GAB2: variants seen among roughly 807,000 people sequenced by gnomAD.
The protein encoded by GAB2 is GRB2 associated binding protein 2.
A neutral mutation model predicts 65.5 loss-of-function variants in GAB2; 26 were observed. The observed-to-expected ratio is 0.40, with a 90% CI of 0.29 to 0.55. GAB2 has a LOEUF of 0.55. Among genes scored for constraint, GAB2 ranks in the 20% least tolerant of loss-of-function variants. The probability of loss-of-function intolerance (pLI) is 0.53; values close to 1 mark genes in which losing one functional copy is unlikely to be tolerated. For missense variants in GAB2, 884 were observed against 875.8 expected (o/e 1.01, Z -0.12); for synonymous variants, 321 against 329.6 (o/e 0.97, Z 0.28).
chr11:78,321,503 C>T (rs1180688348), intron 1 of GAB2, among the ~76,000 whole-genome samples: 1 of 152,152 alleles, frequency 6.6e-6, no homozygotes, highest in Non-Finnish European at 1.5e-5. Flanking sequence ...GCGTGGAGTG[C>T]AGTATGTGTT....
intron 1 of GAB2, among the ~76,000 whole-genome samples, chr11:78,349,114 G>A (rs73500951): frequency 0.025 from 3,743 of 152,288 alleles, 123 homozygotes; most frequent in African/African-American, 0.078. Context: ...TGTTTCATGA[G>A]TACGGACAGA....
chr11:78,320,782 A>T (rs1486758816), intron 1 of GAB2, among the ~76,000 whole-genome samples: 1 of 131,372 alleles, frequency 7.6e-6, no homozygotes, highest in Non-Finnish European at 1.5e-5. Flanking sequence ...GCCCAGGCTG[A>T]TCTATCTCAA....
At chr11:78,401,504 T>TTGTG (rs1565185920) in intron 1 of GAB2, among the ~76,000 whole-genome samples, 2 of 93,128 alleles carry the variant, frequency 2.1e-5, no homozygotes, top group South Asian at 4.1e-4. Context: ...TGAACAGTAT[T>TTGTG]CGTGTGTGTG....
At chr11:78,274,547 T>C (rs1039903198) in intron 2 of GAB2, among the ~76,000 whole-genome samples, 1 of 152,176 alleles carries the variant, frequency 6.6e-6, no homozygotes, top group Non-Finnish European at 1.5e-5. Flanking sequence ...ACAGAAAGTA[T>C]TTTATCCCTA....
rs543801648 is a variant in GAB2, at chr11:78,271,431, CT to C, written c.376+9169del. ...CTTCTAGAACATCATTCCTGGTTTC[CT>C]TTTGGAACGAGTTCTCTCTCAAGAG... On this transcript the variant is annotated intron_variant, in intron 2 of 9. Transcript: ENST00000361507. Among the ~76,000 whole-genome samples the C allele has an allele frequency of 3.3e-5, 5 of 152,308 alleles. No individual in the cohort carries two copies. The South Asian group carries it at 8.3e-4, about 25-fold the overall frequency.
intron 3 of GAB2, among the ~76,000 whole-genome samples, chr11:78,245,444 A>G (rs1865269393): frequency 6.6e-6 from 1 of 152,220 alleles, no homozygotes; most frequent in South Asian, 2.1e-4. Context: ...TAAATGCTGA[A>G]AGAAAACAGA....
At chr11:78,405,765 G>C (rs570787216) in intron 1 of GAB2, among the ~76,000 whole-genome samples, 1 of 152,198 alleles carries the variant, frequency 6.6e-6, no homozygotes, top group Admixed American at 6.5e-5. Context: ...TAAATTCCAT[G>C]AGTTTTCTTT....
intron 7 of GAB2, 29 bp from the exon 8 acceptor site, chr11:78,221,808 G>C (rs1367552061): frequency 2.0e-6 from 3 of 1,498,366 alleles, no homozygotes; most frequent in Non-Finnish European, 2.8e-6. Context: ...GTTAACACTG[G>C]GGAAGCTGCA....
intron 3 of GAB2, among the ~76,000 whole-genome samples, chr11:78,232,897 T>C (rs1864883738): frequency 6.6e-6 from 1 of 152,222 alleles, no homozygotes; most frequent in Admixed American, 6.5e-5. Flanking sequence ...TTGGAGATCA[T>C]ATGAGGTACC....
chr11:78,318,858 C>T (rs989960974), intron 1 of GAB2, among the ~76,000 whole-genome samples: 4 of 152,210 alleles, frequency 2.6e-5, no homozygotes, highest in African/African-American at 9.7e-5. Flanking sequence ...AAAGGAGCAT[C>T]TGGATGCAGT....
At chr11:78,243,531 G>A (rs1169418635) in intron 3 of GAB2, among the ~76,000 whole-genome samples, 1 of 151,904 alleles carries the variant, frequency 6.6e-6, no homozygotes, top group Non-Finnish European at 1.5e-5. Flanking sequence ...GCATAGAAAT[G>A]CAAAAAGGAT....
intron 1 of GAB2, among the ~76,000 whole-genome samples, chr11:78,283,655 G>T (rs537864881): frequency 2.0e-5 from 3 of 152,024 alleles, no homozygotes; most frequent in Non-Finnish European, 4.4e-5. Flanking sequence ...CTTCAGTGCT[G>T]ATAAATCAAC....
At chr11:78,390,401 C>T (rs1856820002) in intron 1 of GAB2, among the ~76,000 whole-genome samples, 1 of 152,106 alleles carries the variant, frequency 6.6e-6, no homozygotes, top group Admixed American at 6.6e-5. Flanking sequence ...GCCTGAGAAA[C>T]ATAGTGAGAT....
intron 2 of GAB2, among the ~76,000 whole-genome samples, chr11:78,258,905 G>A (rs191115057): frequency 1.1e-4 from 16 of 152,084 alleles, no homozygotes; most frequent in Non-Finnish European, 1.8e-4. Context: ...AGGGGTACAC[G>A]TGCATGTTTG....
chr11:78,321,537 G>A (rs1288149886), intron 1 of GAB2, among the ~76,000 whole-genome samples: 2 of 152,184 alleles, frequency 1.3e-5, no homozygotes, highest in Non-Finnish European at 2.9e-5. Context: ...AATGGTTCCT[G>A]TAATTAAGAG....
chr11:78,371,607 C>G (rs1198519733), intron 1 of GAB2, among the ~76,000 whole-genome samples: 1 of 152,190 alleles, frequency 6.6e-6, no homozygotes, highest in Non-Finnish European at 1.5e-5. Context: ...ACTGGCAGCT[C>G]CATGAGGATG....
chr11:78,307,353 T>C (rs181986098), intron 1 of GAB2, among the ~76,000 whole-genome samples: 1 of 152,320 alleles, frequency 6.6e-6, no homozygotes, highest in East Asian at 1.9e-4. Context: ...CTGAAAATTA[T>C]TTTTGTTCAA....
chr11:78,300,672 G>GTT (rs1291386898), intron 1 of GAB2, among the ~76,000 whole-genome samples: 9 of 122,426 alleles, frequency 7.4e-5, no homozygotes, highest in African/African-American at 3.1e-4. Context: ...TCACTGTGTG[G>GTT]TTTTTTTTTT....
chr11:78,365,068 T>A (rs1379212990), intron 1 of GAB2, among the ~76,000 whole-genome samples: 1 of 152,168 alleles, frequency 6.6e-6, no homozygotes, highest in African/African-American at 2.4e-5. Context: ...TTCTGAGATT[T>A]TAGTGTACCT....
Sources: gnomAD v4.1 joint callset for allele counts (sites outside exome capture counted in the v4.1 genomes callset) on GRCh38, gnomAD v4.1.1 for gene constraint, MANE v1.5 for transcripts, NCBI Gene and HGNC (gene_info 2026-07-23, HGNC 2026-07-21) for gene names.